Variants in DLG1 observed in about 807,000 individuals in gnomAD.
DLG1 encodes disks large homolog 1.
Under a neutral mutation model 123.4 loss-of-function variants are expected in DLG1, and 42 were observed. The observed-to-expected ratio is 0.34, with a 90% CI of 0.27 to 0.44. The LOEUF is 0.44. Among genes scored for constraint, DLG1 ranks in the 20% least tolerant of loss-of-function variants. DLG1 has a pLI of 1.00. For synonymous variants in DLG1, 317 were observed against 356.2 expected (o/e 0.89, Z 1.24); for missense variants, 942 against 1,082.6 (o/e 0.87, Z 1.82).
intron 11 of DLG1, among the ~76,000 whole-genome samples, chr3:197,126,500 C>T (rs1779195654): frequency 6.6e-6 from 1 of 150,470 alleles, no homozygotes; most frequent in African/African-American, 2.4e-5. Flanking sequence ...ATAATCAGGG[C>T]ACTAATACTC....
At chr3:197,145,296 T>C (rs1370161517) in intron 6 of DLG1, among the ~76,000 whole-genome samples, 1 of 152,218 alleles carries the variant, frequency 6.6e-6, no homozygotes, top group Non-Finnish European at 1.5e-5. Flanking sequence ...TCAGTCTTTA[T>C]CGAATAAGCA....
intron 4 of DLG1, among the ~76,000 whole-genome samples, chr3:197,280,320 C>A (rs1768618213): frequency 6.8e-6 from 1 of 147,226 alleles, no homozygotes; most frequent in African/African-American, 2.5e-5. Context: ...CTTTTTATGG[C>A]TGAATAGTAG....
chr3:197,245,426 C>T (rs1265883111), intron 4 of DLG1, among the ~76,000 whole-genome samples: 2 of 152,132 alleles, frequency 1.3e-5, no homozygotes, highest in African/African-American at 2.4e-5. Context: ...TTGGATACTT[C>T]GGAGTGGCCT....
intron 1 of DLG1, 36 bp downstream of exon 1, chr3:197,298,500 G>T: frequency 2.5e-6 from 1 of 398,252 alleles, no homozygotes; most frequent in Non-Finnish European, 4.4e-6. Context: ...GAAGAGAGGC[G>T]TGACCTCGCC....
At chr3:197,235,133 A>C (rs898442728) in intron 4 of DLG1, among the ~76,000 whole-genome samples, 5 of 152,144 alleles carry the variant, frequency 3.3e-5, no homozygotes, top group Admixed American at 6.5e-5. Flanking sequence ...GAGAAGGAAA[A>C]CAAAGTGAGC....
intron 4 of DLG1, among the ~76,000 whole-genome samples, chr3:197,215,329 T>A (rs926201391): frequency 6.6e-6 from 1 of 152,192 alleles, no homozygotes; most frequent in Non-Finnish European, 1.5e-5. Context: ...ACTGGGATAA[T>A]TGAGTATCCA....
intron 5 of DLG1, among the ~76,000 whole-genome samples, chr3:197,180,620 G>A (rs188486673): frequency 3.7e-4 from 56 of 152,248 alleles, no homozygotes; most frequent in African/African-American, 1.3e-3. Context: ...ACAATGAAAT[G>A]ATAAAACTGA....
intron 4 of DLG1, among the ~76,000 whole-genome samples, chr3:197,254,499 A>G (rs575019390): frequency 6.6e-6 from 1 of 152,360 alleles, no homozygotes; most frequent in South Asian, 2.1e-4. Flanking sequence ...CGTTATTTAG[A>G]GCACAATAAA....
chr3:197,158,136 G>A (rs968584914), intron 5 of DLG1, among the ~76,000 whole-genome samples: 1 of 152,084 alleles, frequency 6.6e-6, no homozygotes, highest in African/African-American at 2.4e-5. Flanking sequence ...AACTCATACA[G>A]ACATTTTCCC....
chr3:197,159,918 T>C (rs1280828432), intron 5 of DLG1, among the ~76,000 whole-genome samples: 2 of 152,200 alleles, frequency 1.3e-5, no homozygotes, highest in Non-Finnish European at 2.9e-5. Context: ...CAGAGAAATA[T>C]GAGATAACAC....
chr3:197,242,555 A>AT (rs1561640735), intron 4 of DLG1, among the ~76,000 whole-genome samples: 1 of 150,400 alleles, frequency 6.6e-6, no homozygotes, highest in African/African-American at 2.5e-5. Flanking sequence ...GTCTGAACAA[A>AT]TAAAAAAAAA....
chr3:197,273,483 C>T (rs1007880861), intron 4 of DLG1, among the ~76,000 whole-genome samples: 1 of 152,056 alleles, frequency 6.6e-6, no homozygotes, highest in Non-Finnish European at 1.5e-5. Context: ...AGTGATCTGC[C>T]CGCCTCTGCC....
intron 6 of DLG1, among the ~76,000 whole-genome samples, chr3:197,146,066 G>C (rs1394409997): frequency 3.3e-5 from 5 of 151,430 alleles, no homozygotes; most frequent in Admixed American, 3.3e-4. Context: ...AATAGCTAAA[G>C]GAAAATAAAA....
At chr3:197,094,950 T>G (rs909305464) in intron 14 of DLG1, among the ~76,000 whole-genome samples, 3 of 152,218 alleles carry the variant, frequency 2.0e-5, no homozygotes, top group African/African-American at 7.2e-5. Context: ...TATGGCATTT[T>G]GAAGTGTAGT....
chr3:197,147,302 G>C (rs554346982), intron 6 of DLG1, among the ~76,000 whole-genome samples: 4 of 152,094 alleles, frequency 2.6e-5, no homozygotes, highest in African/African-American at 9.7e-5. Flanking sequence ...TCTACACAGA[G>C]GAAAATAAGT....
chr3:197,090,764 C>T, intron 15 of DLG1, 148 bp downstream of exon 15: 1 of 471,676 alleles, frequency 2.1e-6, no homozygotes, highest in Non-Finnish European at 3.9e-6. Flanking sequence ...GAAAGGCACA[C>T]TGTCAGAGAG....
chr3:197,110,389 G>C (rs959240248), intron 13 of DLG1, among the ~76,000 whole-genome samples: 1 of 152,114 alleles, frequency 6.6e-6, no homozygotes, highest in Non-Finnish European at 1.5e-5. Flanking sequence ...TACATGGTGA[G>C]ATATTGTTCC....
chr3:197,136,454 C>A, intron 10 of DLG1, 88 bp downstream of exon 10: 2 of 1,100,950 alleles, frequency 1.8e-6, no homozygotes, highest in Non-Finnish European at 2.6e-6. Context: ...TCATTTAGAC[C>A]TTTTTGGTAT....
chr3:197,085,973 A>C (rs1446488083), intron 15 of DLG1, among the ~76,000 whole-genome samples: 1 of 151,644 alleles, frequency 6.6e-6, no homozygotes, highest in African/African-American at 2.4e-5. Context: ...TGTTTCTTTC[A>C]ATATCACAAG....
Sources: allele counts gnomAD v4.1 joint callset (sites outside exome capture counted in the v4.1 genomes callset), GRCh38; gene constraint gnomAD v4.1.1; transcripts MANE v1.5; gene names NCBI Gene and HGNC (gene_info 2026-07-23, HGNC 2026-07-21).